Variants in PTPRD observed in about 807,000 individuals in gnomAD.
PTPRD encodes receptor-type tyrosine-protein phosphatase delta.
A neutral mutation model predicts 214.5 loss-of-function variants in PTPRD; 34 were observed. That is an observed-to-expected ratio of 0.16 (90% CI 0.12 to 0.21). The LOEUF (loss-of-function observed/expected upper bound fraction) is 0.21, where lower values mean the gene tolerates loss of function less well. Ranked by LOEUF, PTPRD falls within the 10% of genes least tolerant of loss-of-function variation. The probability of loss-of-function intolerance (pLI) is 1.00; values close to 1 mark genes in which losing one functional copy is unlikely to be tolerated. For synonymous variants in PTPRD, 1,128 were observed against 845.7 expected, an observed-to-expected ratio of 1.33 and a Z score of -5.79; for missense variants, 2,545 against 2,398.7, an observed-to-expected ratio of 1.06 and a Z score of -1.27.
intron 3 of PTPRD, among the ~76,000 whole-genome samples, chr9:10,107,735 A>G (rs1295413957): frequency 6.6e-6 from 1 of 152,138 alleles, no homozygotes; most frequent in African/African-American, 2.4e-5. Flanking sequence ...TATGTGCTAA[A>G]TAAACATTTG....
chr9:8,862,212 T>G (rs2098119214), intron 11 of PTPRD: 1 of 152,004 alleles, frequency 6.6e-6, no homozygotes, highest in Non-Finnish European at 1.5e-5. Flanking sequence ...AAAAATTATC[T>G]GGGCGTGGTG....
At chr9:10,530,113 C>G (rs2055745890) in intron 2 of PTPRD, among the ~76,000 whole-genome samples, 1 of 152,074 alleles carries the variant, frequency 6.6e-6, no homozygotes, top group South Asian at 2.1e-4. Flanking sequence ...GACACCCGTA[C>G]TTAAGAATAT....
intron 5 of PTPRD, among the ~76,000 whole-genome samples, chr9:9,836,300 T>C (rs2056742022): frequency 6.6e-6 from 1 of 152,160 alleles, no homozygotes; most frequent in African/African-American, 2.4e-5. Flanking sequence ...GAGGAAACTT[T>C]TAATATCATG....
rs2132257894 is a variant in PTPRD at position 9,263,203 on chromosome 9, A to G, written c.-202-79840T>C. The stretch of plus-strand genomic sequence containing the variant: ...CAATAAATCATTCAAATTTATTATT[A>G]TTAGGATTTGACTCTTTTTATTATG... On this transcript the variant is annotated intron_variant, in intron 9 of 45. Transcript: ENST00000381196. 2.0e-5 allele frequency among the ~76,000 whole-genome samples: 3 copies of G among 151,794 alleles called. 1 individual carries two copies. The Middle Eastern group carries it at 0.01, about 516-fold the overall frequency.
At chr9:9,159,502 G>A (rs2099884462) in intron 10 of PTPRD, among the ~76,000 whole-genome samples, 1 of 152,022 alleles carries the variant, frequency 6.6e-6, no homozygotes, top group Admixed American at 6.6e-5. Context: ...TTTAATCATG[G>A]AGGTGAAAGA....
chr9:9,266,080 G>C (rs1021447776), intron 9 of PTPRD, among the ~76,000 whole-genome samples: 1 of 151,054 alleles, frequency 6.6e-6, no homozygotes, highest in Non-Finnish European at 1.5e-5. Flanking sequence ...AAGGGGTAGG[G>C]GTAACTATAA....
At chr9:10,568,480 C>G (rs181687433) in intron 2 of PTPRD, among the ~76,000 whole-genome samples, 28 of 152,018 alleles carry the variant, frequency 1.8e-4, no homozygotes, top group Admixed American at 3.9e-4. Flanking sequence ...GGGTATATAC[C>G]CAGTAATGGG....
chr9:9,168,213 C>G (rs1325762244), intron 10 of PTPRD, among the ~76,000 whole-genome samples: 1 of 152,162 alleles, frequency 6.6e-6, no homozygotes, highest in Non-Finnish European at 1.5e-5. Flanking sequence ...GCCACAAGGT[C>G]TATGGCCCTT....
chr9:9,666,544 A>G (rs1163021606), intron 7 of PTPRD, among the ~76,000 whole-genome samples: 1 of 152,008 alleles, frequency 6.6e-6, no homozygotes, highest in East Asian at 1.9e-4. Flanking sequence ...AAACTTACAA[A>G]CAATAATAAA....
chr9:8,456,063 G>A (rs1706044574), intron 33 of PTPRD, among the ~76,000 whole-genome samples: 1 of 152,126 alleles, frequency 6.6e-6, no homozygotes. Context: ...TTGAGTGATG[G>A]AGTCAACATG....
intron 24 of PTPRD, among the ~76,000 whole-genome samples, 184 bp downstream of exon 24, chr9:8,500,558 GAAAAAAAAAAAA>G (rs146807692): frequency 3.5e-4 from 5 of 14,316 alleles, no homozygotes; most frequent in South Asian, 8.2e-3. Flanking sequence ...TGAAAAAAAT[GAAAAAAAAAAAA>G]AAAAAAAAAA....
In PTPRD at chr9:9,660,941, A is replaced by G. The variant is rs998952528; in HGVS notation, c.-287+73592T>C. Among the ~76,000 whole-genome samples, 3 of 152,102 alleles carry G rather than the reference A, an allele frequency of 2.0e-5. No homozygotes were observed. The East Asian group carries it at 5.8e-4, about 29-fold the overall frequency. ...GTGTCACGTTTCAGCAGTGACTTTC[A>G]ATAACCAGAAGTTGTGAAGATGTTA... On this transcript the variant is annotated intron_variant, in intron 7 of 45. Transcript: ENST00000381196.
At chr9:8,992,265 C>G (rs2099375203) in intron 11 of PTPRD, among the ~76,000 whole-genome samples, 1 of 152,160 alleles carries the variant, frequency 6.6e-6, no homozygotes, top group African/African-American at 2.4e-5. Flanking sequence ...ACCCTTCTTT[C>G]TAAGGAAAGA....
chr9:10,087,245 T>A (rs2154194834), intron 3 of PTPRD, among the ~76,000 whole-genome samples: 2 of 151,560 alleles, frequency 1.3e-5, no homozygotes, highest in East Asian at 3.9e-4. Context: ...CATATGCATA[T>A]TGCACTCATT....
At chr9:10,506,481 G>C (rs987360333) in intron 2 of PTPRD, among the ~76,000 whole-genome samples, 3 of 151,980 alleles carry the variant, frequency 2.0e-5, no homozygotes, top group East Asian at 3.9e-4. Flanking sequence ...AGTATAATTG[G>C]ATTGTTTGTA....
chr9:9,814,981 C>T (rs2048317826), intron 5 of PTPRD, among the ~76,000 whole-genome samples: 1 of 151,696 alleles, frequency 6.6e-6, no homozygotes, highest in Non-Finnish European at 1.5e-5. Flanking sequence ...TATATGGTCT[C>T]AAACTCCTGG....
At chr9:9,801,267 T>C (rs2099038111) in intron 5 of PTPRD, among the ~76,000 whole-genome samples, 1 of 151,982 alleles carries the variant, frequency 6.6e-6, no homozygotes, top group Non-Finnish European at 1.5e-5. Context: ...CTTGACAAAG[T>C]AAAGCTACTA....
chr9:9,804,876 T>G (rs1421701452), intron 5 of PTPRD, among the ~76,000 whole-genome samples: 1 of 151,706 alleles, frequency 6.6e-6, no homozygotes. Context: ...ATTTACTTGA[T>G]AGAAGAAATT....
intron 9 of PTPRD, among the ~76,000 whole-genome samples, chr9:9,296,122 G>C (rs925003151): frequency 7.9e-5 from 12 of 151,650 alleles, no homozygotes; most frequent in African/African-American, 2.7e-4. Context: ...CCAGTTAATG[G>C]GGTTTAGAGT....
Sources: gnomAD v4.1 joint callset for allele counts (sites outside exome capture counted in the v4.1 genomes callset) on GRCh38, gnomAD v4.1.1 for gene constraint, MANE v1.5 for transcripts, NCBI Gene and HGNC (gene_info 2026-07-23, HGNC 2026-07-21) for gene names.